STX18: variants seen among roughly 807,000 people sequenced by gnomAD.
The protein encoded by STX18 is syntaxin-18.
In STX18, 40 loss-of-function variants were observed where a neutral mutation model predicts 50.1. The ratio of observed to expected loss-of-function variants is 0.80; its 90% CI spans 0.62 to 1.04. STX18 has a LOEUF of 1.04. Ranked by LOEUF, STX18 falls within the 50% of genes least tolerant of loss-of-function variation. The pLI, the probability that STX18 is intolerant of heterozygous loss-of-function variation, is 0.00. For synonymous variants in STX18, 158 were observed against 151.8 expected, an observed-to-expected ratio of 1.04 and a Z score of -0.30; for missense variants, 410 against 415.8, an observed-to-expected ratio of 0.99 and a Z score of 0.12.
At chr4:4,437,033 C>G (rs1725826616) in intron 6 of STX18, among the ~76,000 whole-genome samples, 1 of 143,950 alleles carries the variant, frequency 6.9e-6, no homozygotes, top group Non-Finnish European at 1.5e-5. Context: ...GATCTTGGCT[C>G]ACTGCAACTT....
chr4:4,441,262 CT>C (rs1211044535), intron 5 of STX18, among the ~76,000 whole-genome samples: 2 of 152,196 alleles, frequency 1.3e-5, no homozygotes, highest in Non-Finnish European at 2.9e-5. Context: ...CTCCAATTTG[CT>C]TTCTCAATGG....
intron 1 of STX18, among the ~76,000 whole-genome samples, chr4:4,528,111 C>T (rs1471460930): frequency 6.6e-6 from 1 of 152,142 alleles, no homozygotes; most frequent in Non-Finnish European, 1.5e-5. Flanking sequence ...TAACCTGAGT[C>T]ATGGGCTGTG....
intron 1 of STX18, among the ~76,000 whole-genome samples, chr4:4,534,218 C>A (rs1731230427): frequency 6.6e-6 from 1 of 152,202 alleles, no homozygotes; most frequent in Non-Finnish European, 1.5e-5. Flanking sequence ...TCAGTAAGCA[C>A]TGCTGCTGGG....
At chr4:4,542,073 C>A, upstream of STX18, 3 of 1,260,096 alleles carry the variant, frequency 2.4e-6, no homozygotes, top group Non-Finnish European at 3.1e-6. Flanking sequence ...CGCCTCCCCC[C>A]GGCAACGGCG....
intron 1 of STX18, chr4:4,507,161 A>C: frequency 3.5e-6 from 2 of 566,142 alleles, no homozygotes; most frequent in Admixed American, 4.2e-5. Context: ...AACACAGTAC[A>C]AGACGGCATG....
intron 1 of STX18, among the ~76,000 whole-genome samples, chr4:4,494,015 C>A (rs116223029): frequency 0.013 from 1,904 of 152,252 alleles, 48 homozygotes; most frequent in African/African-American, 0.043. Flanking sequence ...TCAGTACCTC[C>A]ATAAGCCCAT....
intron 1 of STX18, among the ~76,000 whole-genome samples, chr4:4,531,212 T>C (rs1485636229): frequency 1.3e-5 from 2 of 151,946 alleles, no homozygotes; most frequent in African/African-American, 2.4e-5. Flanking sequence ...AATTCATATA[T>C]GCATATATTA....
intron 2 of STX18, among the ~76,000 whole-genome samples, chr4:4,467,618 C>T (rs1361337498): frequency 6.6e-6 from 1 of 152,062 alleles, no homozygotes; most frequent in Admixed American, 6.5e-5. Context: ...GCCACACAGG[C>T]TTAACAGCAG....
At chr4:4,427,876 T>C (rs59227574) in intron 7 of STX18, among the ~76,000 whole-genome samples, 3,883 of 152,220 alleles carry the variant, frequency 0.026, 160 homozygotes, top group African/African-American at 0.089. Flanking sequence ...ACCTAGTCCC[T>C]AGAGGAAGAG....
chr4:4,510,549 T>C (rs1408340675), intron 1 of STX18, among the ~76,000 whole-genome samples: 1 of 152,174 alleles, frequency 6.6e-6, no homozygotes, highest in African/African-American at 2.4e-5. Context: ...TTTTACACTG[T>C]TGGTGGGAGT....
chr4:4,454,341 A>G (rs1726951866), intron 5 of STX18, among the ~76,000 whole-genome samples: 1 of 152,210 alleles, frequency 6.6e-6, no homozygotes, highest in South Asian at 2.1e-4. Context: ...CGCTGTCTAA[A>G]TGAGAACAAT....
chr4:4,542,146 C>T (rs1258589076), upstream of STX18: 30 of 765,036 alleles, frequency 3.9e-5, no homozygotes, highest in Middle Eastern at 1.6e-3. Flanking sequence ...AGGTTCCGGC[C>T]TCAGCCGGCG....
intron 1 of STX18, among the ~76,000 whole-genome samples, chr4:4,521,047 C>T (rs746705461): frequency 1.3e-5 from 2 of 152,198 alleles, no homozygotes; most frequent in African/African-American, 2.4e-5. Flanking sequence ...ACTTCATTTA[C>T]CAAAGACTAC....
chr4:4,421,330 T>C (rs1724949264), intron 9 of STX18, among the ~76,000 whole-genome samples: 1 of 152,162 alleles, frequency 6.6e-6, no homozygotes, highest in South Asian at 2.1e-4. Context: ...GAGACTTTTT[T>C]TTTTTTTGAG....
At chr4:4,430,614 C>T (rs921793735) in intron 7 of STX18, among the ~76,000 whole-genome samples, 9 of 152,176 alleles carry the variant, frequency 5.9e-5, no homozygotes, top group African/African-American at 1.7e-4. Context: ...GACAATGACT[C>T]GGGACAGTGG....
At chr4:4,460,861 C>T (rs1304556328) in intron 2 of STX18, among the ~76,000 whole-genome samples, 1 of 152,160 alleles carries the variant, frequency 6.6e-6, no homozygotes, top group Non-Finnish European at 1.5e-5. Flanking sequence ...CTCCCCAACC[C>T]CAGCCCACCT....
rs183533289 is a variant in STX18, at chr4:4,535,372, A to G, written c.168+6425T>C. 2.3e-3 allele frequency among the ~76,000 whole-genome samples: 344 copies of G among 152,266 alleles called. 2 individuals carry two copies. The highest frequency in any genetic ancestry group is 7.7e-3 in the African/African-American group (322 of 41,550). On this transcript the variant is annotated intron_variant, in intron 1 of 10. Transcript: ENST00000306200. ...TTCAGAAGTGTAATCCACACAAAGG[A>G]CTCACAATCTCATGAAAACTCTGCA...
At chr4:4,474,698 C>T (rs1728086819) in intron 1 of STX18, among the ~76,000 whole-genome samples, 1 of 152,102 alleles carries the variant, frequency 6.6e-6, no homozygotes, top group South Asian at 2.1e-4. Flanking sequence ...AGACTCATTC[C>T]AATGTTGCTG....
At chr4:4,487,410 A>G (rs973832443) in intron 1 of STX18, among the ~76,000 whole-genome samples, 2 of 152,236 alleles carry the variant, frequency 1.3e-5, no homozygotes, top group African/African-American at 4.8e-5. Context: ...GTCGGACACC[A>G]TGTTAAACCC....
Sources: gnomAD v4.1 joint callset for allele counts (sites outside exome capture counted in the v4.1 genomes callset) on GRCh38, gnomAD v4.1.1 for gene constraint, MANE v1.5 for transcripts, NCBI Gene and HGNC (gene_info 2026-07-23, HGNC 2026-07-21) for gene names.